VAC14: variants seen among roughly 807,000 people sequenced by gnomAD.
The protein encoded by VAC14 is protein VAC14 homolog.
VAC14 carries 47 observed loss-of-function variants against 85.3 expected under a neutral mutation model. The observed-to-expected ratio is 0.55, with a 90% confidence interval of 0.44 to 0.70. VAC14 has a LOEUF of 0.70. VAC14 is among the 30% of genes least tolerant of loss of function. VAC14 has a pLI of 0.00. For missense variants in VAC14, 861 were observed against 1,004.3 expected, an observed-to-expected ratio of 0.86 and a Z score of 1.93; for synonymous variants, 447 against 430.5, an observed-to-expected ratio of 1.04 and a Z score of -0.47.
chr16:70,695,488 C>T (rs1018306459), intron 17 of VAC14, 56 bp downstream of exon 17: 3 of 1,569,244 alleles, frequency 1.9e-6, no homozygotes, highest in Admixed American at 3.4e-5. Context: ...TCACCCACCC[C>T]ACTCCAGGGC....
chr16:70,699,440 A>C (rs969729933), intron 14 of VAC14: 2 of 152,746 alleles, frequency 1.3e-5, no homozygotes, highest in Admixed American at 1.3e-4. Flanking sequence ...TCGCAGAGTC[A>C]CTTACGGCCA....
At chr16:70,712,098 G>GA (rs1567531719) in intron 14 of VAC14, among the ~76,000 whole-genome samples, 1 of 152,132 alleles carries the variant, frequency 6.6e-6, no homozygotes, top group South Asian at 2.1e-4. Context: ...CCGGGAGGCT[G>GA]AAAAAATTCC....
At chr16:70,731,433 G>C in intron 14 of VAC14, 62 bp downstream of exon 14, 1 of 1,580,218 alleles carries the variant, frequency 6.3e-7, no homozygotes, top group East Asian at 2.2e-5. Context: ...CACTTGAATG[G>C]CGTGAAAGTG....
chr16:70,723,891 C>T (rs2054356466), intron 14 of VAC14, among the ~76,000 whole-genome samples: 1 of 152,256 alleles, frequency 6.6e-6, no homozygotes, highest in African/African-American at 2.4e-5. Context: ...CTGCCAGGTC[C>T]TCCCCTCCAT....
At chr16:70,726,609 G>A (rs2054435708) in intron 14 of VAC14, among the ~76,000 whole-genome samples, 1 of 152,212 alleles carries the variant, frequency 6.6e-6, no homozygotes, top group African/African-American at 2.4e-5. Flanking sequence ...GTTAAAAATG[G>A]GAGGAATTGG....
In VAC14 at chr16:70,785,734, G is replaced by T; in HGVS notation, c.391C>A (p.His131Asn). The T allele has an allele frequency of 6.4e-7, 1 of 1,568,750 alleles. No individual in the cohort carries two copies. Among genetic ancestry groups the T allele is most frequent in the Non-Finnish European group, 8.7e-7 (1 of 1,155,808 alleles). ...VKVARGAVLP[H>N]FNVLFDGLSK... ...AGCCCGTCAAAGAGCACGTTGAAGT[G>T]GGGCAGCACAGCGCCCCGGGCCACC... is the stretch of plus-strand genomic sequence containing the variant. The change falls in exon 3 of 19, where the codon CAC (histidine) becomes AAC (asparagine). Residue 131 changes from histidine to asparagine, a missense_variant. By Grantham distance (68) the His-to-Asn change is moderately conservative. Transcript: ENST00000261776.
intron 14 of VAC14, among the ~76,000 whole-genome samples, chr16:70,719,722 C>G (rs527830184): frequency 6.6e-6 from 1 of 152,244 alleles, no homozygotes; most frequent in South Asian, 2.1e-4. Context: ...CTGATGATAC[C>G]AAGTGTTGGT....
intron 12 of VAC14, among the ~76,000 whole-genome samples, chr16:70,753,246 T>C (rs150347430): frequency 1.3e-5 from 2 of 152,178 alleles, no homozygotes; most frequent in East Asian, 1.9e-4. Context: ...AGCAAGCCAG[T>C]GTGAAAATGG....
At chr16:70,693,101 C>T (rs1304903577) in intron 17 of VAC14, 130 bp from the exon 18 acceptor site, 1 of 1,281,932 alleles carries the variant, frequency 7.8e-7, no homozygotes, top group Non-Finnish European at 1.1e-6. Flanking sequence ...CCCAAGGACC[C>T]AGCTGTGTGG....
At chr16:70,707,086 A>G (rs2053934815) in intron 14 of VAC14, among the ~76,000 whole-genome samples, 1 of 152,168 alleles carries the variant, frequency 6.6e-6, no homozygotes, top group Non-Finnish European at 1.5e-5. Flanking sequence ...GAGAGGAGGG[A>G]GTAGCCTCCC....
At chr16:70,691,646 G>A in intron 18 of VAC14, 1 of 985,494 alleles carries the variant, frequency 1.0e-6, no homozygotes, top group Non-Finnish European at 1.2e-6. Flanking sequence ...TCCTGCCACT[G>A]CAGGGCACTG....
chr16:70,737,231 G>A (rs1232874181), intron 13 of VAC14, among the ~76,000 whole-genome samples: 1 of 152,230 alleles, frequency 6.6e-6, no homozygotes, highest in Non-Finnish European at 1.5e-5. Flanking sequence ...TGGGCTGGGT[G>A]CTGCAGGCGC....
chr16:70,692,671 C>CGG lies in VAC14; in HGVS notation c.2186+148_2186+149dup, dbSNP rs5817709. 91 of 1,040,376 alleles carry CGG rather than the reference C, an allele frequency of 8.7e-5. 2 individuals are homozygous for CGG. The highest frequency in any genetic ancestry group is 5.5e-4 in the South Asian group (36 of 65,070). The allele number at this position is 1,040,376 out of a possible 1,614,324, so 64.4% of individuals were successfully genotyped here. On this transcript the variant is annotated intron_variant, in intron 18 of 18. Coordinates refer to ENST00000261776, the MANE Select transcript of VAC14 (RefSeq NM_018052.5). ...CAAGAGGCCAAGGGGCAAGTGGCTG[C>CGG]GGGGGGGATGGTGGTCACAGTGACA...
rs146585954 is a variant in VAC14, at chr16:70,742,484, G to A, written c.1528+1939C>T. ...ATGTACTGACTTGGGGACACAGGAC[G>A]GAGAATGGACTCGTTTGCCGAGGGA... On this transcript the variant is annotated intron_variant, in intron 13 of 18. Transcript: ENST00000261776. Among the ~76,000 whole-genome samples, 17 of 152,348 alleles carry A rather than the reference G, an allele frequency of 1.1e-4. No homozygotes were observed. The East Asian group carries it at 1.2e-3, about 10-fold the overall frequency.
intron 14 of VAC14, among the ~76,000 whole-genome samples, chr16:70,729,546 G>C (rs2054528600): frequency 6.6e-6 from 1 of 152,054 alleles, no homozygotes; most frequent in Non-Finnish European, 1.5e-5. Flanking sequence ...TCCTGCAGCG[G>C]CTCGCAGCAG....
intron 14 of VAC14, among the ~76,000 whole-genome samples, chr16:70,704,459 A>G (rs2053884642): frequency 6.6e-6 from 1 of 152,222 alleles, no homozygotes; most frequent in African/African-American, 2.4e-5. Flanking sequence ...TTGGAGGACA[A>G]GACTTCCTGG....
At chr16:70,784,893 C>T in intron 3 of VAC14, 55 bp from the exon 4 acceptor site, 1 of 1,517,520 alleles carries the variant, frequency 6.6e-7, no homozygotes, top group South Asian at 1.1e-5. Context: ...CGGTTGGATG[C>T]AAGACCAGGG....
In VAC14 at chr16:70,762,992, G is replaced by A. The variant is rs577421309; in HGVS notation, c.1194C>T (p.Asp398=). 1.4e-5 allele frequency: 22 copies of A among 1,614,096 alleles called. No individual in the cohort carries two copies. The highest frequency in any genetic ancestry group is 1.6e-4 in the Middle Eastern group (1 of 6,084). The stretch of plus-strand genomic sequence containing the variant: ...GGCAGTTTAGGACCTGCACGATCCC[G>A]TCGAGGTGAAGGGTCACTGGGGCTC... The part of the protein sequence containing the change: ...TERAPVTLHL[D]GIVQVLNCHL... The change falls in exon 11 of 19, where the codon GAC becomes GAT. Residue 398 remains aspartate (D), a synonymous_variant. Coordinates refer to ENST00000261776, the MANE Select transcript of VAC14 (RefSeq NM_018052.5). The surrounding 1 kb of genome is among the most constrained non-coding windows in gnomAD (Gnocchi z 4.1).
At chr16:70,781,292 G>C (rs74024454) in intron 8 of VAC14, among the ~76,000 whole-genome samples, 2 of 152,142 alleles carry the variant, frequency 1.3e-5, no homozygotes, top group Non-Finnish European at 2.9e-5. Flanking sequence ...GCCTCCTGTA[G>C]AGTCTGCAGA....
Sources: gnomAD v4.1 joint callset for allele counts (sites outside exome capture counted in the v4.1 genomes callset) on GRCh38, gnomAD v4.1.1 for gene constraint, Gnocchi (gnomAD v3.1) non-coding constraint, MANE v1.5 for transcripts, NCBI Gene and HGNC (gene_info 2026-07-23, HGNC 2026-07-21) for gene names.